Variants in ITIH5 observed in about 807,000 individuals in gnomAD.
ITIH5 encodes inter-alpha-trypsin inhibitor heavy chain H5.
Under a neutral mutation model 77.5 loss-of-function variants are expected in ITIH5, and 65 were observed. The ratio of observed to expected loss-of-function variants is 0.84; its 90% CI spans 0.69 to 1.03. ITIH5 has a LOEUF of 1.03. ITIH5 is among the 50% of genes least tolerant of loss of function. The pLI, the probability that ITIH5 is intolerant of heterozygous loss-of-function variation, is 0.00. For missense variants in ITIH5, 1,208 were observed against 1,213.1 expected (o/e 1.00, Z 0.06); for synonymous variants, 525 against 494.3 (o/e 1.06, Z -0.82).
intron 7 of ITIH5, among the ~76,000 whole-genome samples, chr10:7,610,070 T>A (rs7082906): frequency 4.3e-4 from 1 of 2,336 alleles, no homozygotes; most frequent in African/African-American, 1.2e-3. Flanking sequence ...TTCTTTTTTC[T>A]TTTTTTTTTT....
chr10:7,655,527 A>T, intron 2 of ITIH5, 104 bp downstream of exon 2: 1 of 899,440 alleles, frequency 1.1e-6, no homozygotes, highest in Non-Finnish European at 1.8e-6. Flanking sequence ...TCTACAAGCA[A>T]CTTTATATGT....
intron 1 of ITIH5, among the ~76,000 whole-genome samples, chr10:7,660,732 G>C (rs2131115655): frequency 6.6e-6 from 1 of 152,334 alleles, no homozygotes; most frequent in South Asian, 2.1e-4. Context: ...CCATGGGAAA[G>C]AATGGGAGGC....
At chr10:7,644,401 ATAT>A (rs1833941613) in intron 2 of ITIH5, among the ~76,000 whole-genome samples, 1 of 146,466 alleles carries the variant, frequency 6.8e-6, no homozygotes, top group Non-Finnish European at 1.5e-5. Context: ...TATATCACAT[ATAT>A]CACATATATC....
chr10:7,595,923 G>A (rs1370838970), intron 7 of ITIH5, among the ~76,000 whole-genome samples: 1 of 152,128 alleles, frequency 6.6e-6, no homozygotes, highest in Non-Finnish European at 1.5e-5. Context: ...CAGGAGAATC[G>A]CTTGAACCCA....
At chr10:7,643,430 T>C (rs934931808) in intron 2 of ITIH5, among the ~76,000 whole-genome samples, 2 of 152,194 alleles carry the variant, frequency 1.3e-5, no homozygotes, top group Non-Finnish European at 1.5e-5. Context: ...TATTGGTCCA[T>C]GCCAGCAAGT....
At chr10:7,645,210 G>A (rs1833992703) in intron 2 of ITIH5, among the ~76,000 whole-genome samples, 1 of 151,762 alleles carries the variant, frequency 6.6e-6, no homozygotes, top group Non-Finnish European at 1.5e-5. Flanking sequence ...AGAGACAGAA[G>A]GGATAAACAT....
At chr10:7,627,750 A>AT (rs1833607481) in intron 5 of ITIH5, among the ~76,000 whole-genome samples, 1 of 149,894 alleles carries the variant, frequency 6.7e-6, no homozygotes, top group Admixed American at 6.6e-5. Flanking sequence ...GGAGGAAGGG[A>AT]GATTCTAACC....
chr10:7,644,646 T>G (rs138595874), intron 2 of ITIH5, among the ~76,000 whole-genome samples: 1 of 88,128 alleles, frequency 1.1e-5, no homozygotes, highest in Non-Finnish European at 2.5e-5. Flanking sequence ...ATATATATCA[T>G]ATATATCACA....
At chr10:7,623,455 T>C (rs1235737784) in intron 5 of ITIH5, among the ~76,000 whole-genome samples, 1 of 151,968 alleles carries the variant, frequency 6.6e-6, no homozygotes, top group Non-Finnish European at 1.5e-5. Context: ...CAGCAGAGGA[T>C]TGAAAGAAAA....
In ITIH5 at chr10:7,629,419, T is replaced by C. The variant is rs372056339; in HGVS notation, c.652+7809A>G. On this transcript the variant is annotated intron_variant, in intron 5 of 13. Coordinates refer to ENST00000397146, the MANE Select transcript of ITIH5 (RefSeq NM_030569.7). Reference sequence around the variant, plus strand: ...CATGTTGTAGAGTGTGTCCATGTTGTAGCGTGTGTCCGTGTTGTGGCATGC... The same window carrying C: ...CATGTTGTAGAGTGTGTCCATGTTGCAGCGTGTGTCCGTGTTGTGGCATGC... Among the ~76,000 whole-genome samples, 55 of 108,594 alleles carry C rather than the reference T, an allele frequency of 5.1e-4. 1 individual carries two copies. Among genetic ancestry groups the C allele is most frequent in the African/African-American group, 6.7e-4 (12 of 17,844 alleles). 71.2% of individuals were successfully genotyped at this position (108,594 alleles called of 152,430 possible). A position where few individuals can be genotyped will look rare whatever the true frequency, so the allele number is the denominator to read the frequency against.
At position 7,642,001 on chromosome 10, in the gene ITIH5, G is replaced by C; in HGVS notation, c.225C>G (p.Asn75Lys). 2 of 1,613,970 alleles carry C rather than the reference G, an allele frequency of 1.2e-6. No individual in the cohort carries two copies. Among genetic ancestry groups the C allele is most frequent in the Non-Finnish European group, 1.7e-6 (2 of 1,179,838 alleles). The change falls in exon 3 of 14, where the codon AAC becomes AAG. Residue 75 changes from asparagine (N) to lysine (K), a missense_variant. By Grantham distance (94) the Asn-to-Lys change is moderately conservative. Coordinates refer to ENST00000397146, the MANE Select transcript of ITIH5 (RefSeq NM_030569.7). ...AFTTVSCRML[N>K]RASEDQDIEF... ...CAATGTCCTGGTCTTCAGAAGCTCT[G>C]TTCAGCATTCTGCAGGAAACCGTAG...
chr10:7,570,370 GCA>G (rs1339042041), intron 11 of ITIH5: 3 of 152,338 alleles, frequency 2.0e-5, no homozygotes, highest in Non-Finnish European at 4.4e-5. Flanking sequence ...GCGGCCAGGC[GCA>G]CAGTCAGGGT....
intron 9 of ITIH5, among the ~76,000 whole-genome samples, chr10:7,577,710 C>T (rs1165817276): frequency 6.6e-6 from 1 of 152,160 alleles, no homozygotes; most frequent in East Asian, 1.9e-4. Flanking sequence ...TTTCAAAAGG[C>T]CTAGAAACCA....
intron 5 of ITIH5, among the ~76,000 whole-genome samples, chr10:7,634,534 C>A (rs1184600646): frequency 6.6e-6 from 1 of 152,128 alleles, no homozygotes; most frequent in Non-Finnish European, 1.5e-5. Flanking sequence ...ACAAACAGAT[C>A]CCAAGAGATC....
At chr10:7,604,214 A>C (rs1171299474) in intron 7 of ITIH5, among the ~76,000 whole-genome samples, 3 of 152,168 alleles carry the variant, frequency 2.0e-5, no homozygotes, top group African/African-American at 7.2e-5. Context: ...CCCAACCTCC[A>C]AAGCCAAACA....
In ITIH5 at chr10:7,642,093, G is replaced by C; in HGVS notation, c.136-3C>G. ...TCTGTCATCAAAGGTTTGGTTTTCT[G>C]TAGGAATGAAAACACACAGTATCAT... On this transcript the variant is annotated splice_region_variant and splice_polypyrimidine_tract_variant and intron_variant, in intron 2 of 13. Coordinates refer to ENST00000397146, the MANE Select transcript of ITIH5 (RefSeq NM_030569.7). The C allele has an allele frequency of 6.2e-7, 1 of 1,612,940 alleles. No individual in the cohort carries two copies. The highest frequency in any genetic ancestry group is 8.5e-7 in the Non-Finnish European group (1 of 1,179,214).
rs369535850 is a variant in ITIH5, at chr10:7,588,602, CCTAA to C, written c.940-2537_940-2534del. 2.1e-4 allele frequency among the ~76,000 whole-genome samples: 32 copies of C among 152,328 alleles called. No homozygotes were observed. The East Asian group carries it at 5.2e-3, about 25-fold the overall frequency. Reference sequence around the variant, plus strand: ...AGTTTCTTGGCTGAGCAAACGTTCGCCTAACTTTCTCCCCGTGAGTTTTTGCTAA... The same window carrying C: ...AGTTTCTTGGCTGAGCAAACGTTCGCCTTTCTCCCCGTGAGTTTTTGCTAA... On this transcript the variant is annotated intron_variant, in intron 7 of 13. Transcript: ENST00000397146.
chr10:7,584,039 G>T (rs146032045), intron 8 of ITIH5, among the ~76,000 whole-genome samples: 1 of 152,160 alleles, frequency 6.6e-6, no homozygotes, highest in Non-Finnish European at 1.5e-5. Flanking sequence ...TCCTGGTAAC[G>T]ATTCCATTGT....
rs753881180 is a variant in ITIH5 at position 7,579,778 on chromosome 10, C to G, written c.1395G>C (p.Glu465Asp). 7 of 1,613,856 alleles carry G rather than the reference C, an allele frequency of 4.3e-6. No individual in the cohort carries two copies. The highest frequency in any genetic ancestry group is 4.2e-6 in the Non-Finnish European group (5 of 1,179,898). ...CGLTRRVHEE[E>D]DAGSQLIGFY... is the part of the protein sequence containing the mutation. ...ACCCGATGAGCTGCGAGCCTGCGTC[C>G]TCCTCCTCGTGCACGCGCCGTGTGA... Residue 465 changes from glutamate (E) to aspartate (D), a missense_variant, in exon 9 of 14, where the codon GAG (glutamate) becomes GAC (aspartate). Glu to Asp is a conservative substitution (Grantham distance 45). Coordinates refer to ENST00000397146, the MANE Select transcript of ITIH5 (RefSeq NM_030569.7).
Sources: gnomAD v4.1 joint callset for allele counts (sites outside exome capture counted in the v4.1 genomes callset) on GRCh38, gnomAD v4.1.1 for gene constraint, MANE v1.5 for transcripts, NCBI Gene and HGNC (gene_info 2026-07-23, HGNC 2026-07-21) for gene names.